Variants in ATP2C1 observed in about 807,000 individuals in gnomAD.
ATP2C1 encodes the protein calcium-transporting ATPase type 2C member 1.
A neutral mutation model predicts 120.5 loss-of-function variants in ATP2C1; 31 were observed. The ratio of observed to expected loss-of-function variants is 0.26; its 90% CI spans 0.19 to 0.35. ATP2C1 has a LOEUF of 0.35. ATP2C1 is among the 10% of genes least tolerant of loss of function. The probability of loss-of-function intolerance (pLI) is 1.00; values close to 1 mark genes in which losing one functional copy is unlikely to be tolerated. For synonymous variants in ATP2C1, 351 were observed against 358.7 expected (o/e 0.98, Z 0.24); for missense variants, 731 against 1,107.5 (o/e 0.66, Z 4.83).
chr3:130,914,534 A>G (rs1336739300), intron 2 of ATP2C1: 1 of 152,252 alleles, frequency 6.6e-6, no homozygotes, highest in Non-Finnish European at 1.5e-5. Flanking sequence ...GTGTTCAATA[A>G]TATCATTCTG....
At chr3:130,981,859 A>G (rs1007860345) in intron 20 of ATP2C1, among the ~76,000 whole-genome samples, 1 of 152,158 alleles carries the variant, frequency 6.6e-6, no homozygotes, top group African/African-American at 2.4e-5. Context: ...TATCTTCTTT[A>G]GTGAAGTGTC....
rs1402269336 is a variant in ATP2C1 at position 130,904,037 on chromosome 3, A to G, written c.6+9262A>G. ...TAGTTAACTGTTGGATGCAAATTCA[A>G]TTATGGTAGAAAGATTTACTTTACT... On this transcript the variant is annotated intron_variant, in intron 2 of 27. Transcript: ENST00000510168. Among the ~76,000 whole-genome samples, 3 of 152,176 alleles carry G rather than the reference A, an allele frequency of 2.0e-5. No homozygotes were observed. The East Asian group carries it at 5.8e-4, about 29-fold the overall frequency.
At chr3:130,930,057 T>C in intron 2 of ATP2C1, 1 of 354,518 alleles carries the variant, frequency 2.8e-6, no homozygotes, top group South Asian at 2.3e-5. Context: ...TCTTGCATGT[T>C]AAACGTAATG....
At position 130,894,468 on chromosome 3, in the gene ATP2C1, T is replaced by G; in HGVS notation, c.-180-122T>G. On this transcript the variant is annotated intron_variant, in intron 1 of 27. Transcript: ENST00000510168. The surrounding 1 kb of genome is among the most constrained non-coding windows in gnomAD (Gnocchi z 4.5). ...GCCCCGCTGGCGTGAGCTGGGGACGTTGCGGGCACACGACGGGGCGGGTGC... is the reference window on the plus strand; with the variant it reads ...GCCCCGCTGGCGTGAGCTGGGGACGGTGCGGGCACACGACGGGGCGGGTGC... 3 of 1,341,266 alleles carry G rather than the reference T, an allele frequency of 2.2e-6. No homozygotes were observed. Among genetic ancestry groups the G allele is most frequent in the Non-Finnish European group, 1.9e-6 (2 of 1,042,178 alleles). The allele number at this position is 1,341,266 out of a possible 1,614,324, so 83.1% of individuals were successfully genotyped here.
chr3:130,974,795 G>C (rs1263750803), intron 17 of ATP2C1, among the ~76,000 whole-genome samples: 1 of 152,098 alleles, frequency 6.6e-6, no homozygotes, highest in Non-Finnish European at 1.5e-5. Flanking sequence ...AGCTAAGAGA[G>C]TTAAAATTAT....
intron 2 of ATP2C1, among the ~76,000 whole-genome samples, chr3:130,914,939 G>A (rs2058613057): frequency 6.6e-6 from 1 of 152,184 alleles, no homozygotes; most frequent in South Asian, 2.1e-4. Context: ...AGCAAATAGA[G>A]CATTAGCACC....
intron 26 of ATP2C1, among the ~76,000 whole-genome samples, chr3:131,011,751 C>T (rs927310331): frequency 6.6e-6 from 1 of 152,206 alleles, no homozygotes; most frequent in African/African-American, 2.4e-5. Context: ...AGGGTAAAAA[C>T]CACAGTTACT....
intron 1 of ATP2C1, among the ~76,000 whole-genome samples, chr3:130,873,759 T>C (rs993894279): frequency 2.6e-5 from 4 of 152,116 alleles, no homozygotes; most frequent in Non-Finnish European, 5.9e-5. Flanking sequence ...TAAGTGTAAA[T>C]TTAGTTTCAT....
In ATP2C1 at chr3:130,953,922, A is replaced by G. The variant is rs1213129216; in HGVS notation, c.633A>G (p.Ala211=). ...PQPAATNGDL[A]SRSNIAFMGT... The stretch of plus-strand genomic sequence containing the variant: ...CAGCTGCAACTAATGGAGATCTTGC[A>G]TCGAGAAGTAACATTGCCTTTATGG... The change falls in exon 9 of 28, where the codon GCA becomes GCG. Residue 211 remains alanine, a synonymous_variant. Transcript: ENST00000510168. The G allele has an allele frequency of 6.2e-7, 1 of 1,614,006 alleles. No homozygotes were observed. The highest frequency in any genetic ancestry group is 1.3e-5 in the African/African-American group (1 of 74,924).
At chr3:130,980,468 T>A (rs537927056) in intron 19 of ATP2C1, 114 bp from the exon 20 acceptor site, 1 of 733,644 alleles carries the variant, frequency 1.4e-6, no homozygotes, top group Non-Finnish European at 2.5e-6. Context: ...TTTGTATTAC[T>A]GGTAGGTAAC....
chr3:130,958,505 T>G (rs2060677246), intron 11 of ATP2C1, among the ~76,000 whole-genome samples: 1 of 152,190 alleles, frequency 6.6e-6, no homozygotes, highest in African/African-American at 2.4e-5. Flanking sequence ...TGGATAATTA[T>G]TCTTTAGTTA....
At chr3:130,908,694 A>G (rs931132658) in intron 2 of ATP2C1, among the ~76,000 whole-genome samples, 3 of 151,668 alleles carry the variant, frequency 2.0e-5, no homozygotes, top group African/African-American at 7.3e-5. Context: ...AATTAATACT[A>G]CTCTTTAGGA....
upstream of ATP2C1, among the ~76,000 whole-genome samples, chr3:130,893,660 A>G (rs1450386748): frequency 2.0e-5 from 3 of 152,230 alleles, no homozygotes; most frequent in African/African-American, 7.2e-5. Context: ...GAGAGCGCTT[A>G]AACGCCTCGG....
At chr3:130,873,023 C>T (rs2068485667) in intron 1 of ATP2C1, among the ~76,000 whole-genome samples, 1 of 152,112 alleles carries the variant, frequency 6.6e-6, no homozygotes, top group African/African-American at 2.4e-5. Context: ...CTAAGAGTGA[C>T]TAAGAAAGAC....
chr3:130,893,866 G>C, upstream of ATP2C1: 1 of 954,810 alleles, frequency 1.0e-6, no homozygotes, highest in Non-Finnish European at 1.2e-6. Flanking sequence ...CCTCCTACCG[G>C]ACGGATCCAA....
intron 1 of ATP2C1, among the ~76,000 whole-genome samples, chr3:130,852,612 T>A (rs2067710375): frequency 6.6e-6 from 1 of 152,120 alleles, no homozygotes; most frequent in Non-Finnish European, 1.5e-5. Context: ...AGAAATAATA[T>A]ATTTGATTTC....
chr3:130,928,743 A>G (rs2059325333), intron 2 of ATP2C1, among the ~76,000 whole-genome samples: 1 of 152,206 alleles, frequency 6.6e-6, no homozygotes, highest in Non-Finnish European at 1.5e-5. Flanking sequence ...GGTTATATAT[A>G]TGAAGAAGAT....
intron 1 of ATP2C1, among the ~76,000 whole-genome samples, chr3:130,863,642 C>G (rs2068082585): frequency 6.6e-6 from 1 of 152,162 alleles, no homozygotes; most frequent in Non-Finnish European, 1.5e-5. Flanking sequence ...ACTGTATCTC[C>G]TAGAATTCCT....
chr3:130,973,709 A>G (rs961208657), intron 17 of ATP2C1, among the ~76,000 whole-genome samples: 1 of 152,184 alleles, frequency 6.6e-6, no homozygotes, highest in African/African-American at 2.4e-5. Flanking sequence ...GCTAAGTAAC[A>G]GAAACTGCAG....
Sources: gnomAD v4.1 joint callset for allele counts (sites outside exome capture counted in the v4.1 genomes callset) on GRCh38, gnomAD v4.1.1 for gene constraint, Gnocchi (gnomAD v3.1) non-coding constraint, MANE v1.5 for transcripts, NCBI Gene and HGNC (gene_info 2026-07-23, HGNC 2026-07-21) for gene names.